The following CTNNA2 variants were observed in gnomAD, a reference collection of about 807,000 sequenced individuals.
CTNNA2 encodes catenin alpha-2.
In CTNNA2, 42 loss-of-function variants were observed where a neutral mutation model predicts 101.0. That is an observed-to-expected ratio of 0.42 (90% CI 0.32 to 0.54). The LOEUF (loss-of-function observed/expected upper bound fraction) is 0.54. Among genes scored for constraint, CTNNA2 ranks in the 20% least tolerant of loss-of-function variants. The pLI is 0.14. For synonymous variants in CTNNA2, 450 were observed against 456.4 expected, an observed-to-expected ratio of 0.99 and a Z score of 0.18; for missense variants, 871 against 1,223.1, an observed-to-expected ratio of 0.71 and a Z score of 4.29.
chr2:79,606,461 G>C (rs537551640), intron 1 of CTNNA2, among the ~76,000 whole-genome samples: 3 of 151,934 alleles, frequency 2.0e-5, no homozygotes, highest in African/African-American at 7.3e-5. Flanking sequence ...GTAGAGACAG[G>C]GTTTCAGCTT....
At chr2:79,779,677 C>A (rs1379956599) in intron 3 of CTNNA2, among the ~76,000 whole-genome samples, 1 of 152,000 alleles carries the variant, frequency 6.6e-6, no homozygotes, top group African/African-American at 2.4e-5. Flanking sequence ...TTTATACTAC[C>A]CATGATGACC....
At chr2:79,338,639 T>TCTC (rs1677061128) in intron 3 of CTNNA2, among the ~76,000 whole-genome samples, 1 of 149,188 alleles carries the variant, frequency 6.7e-6, no homozygotes, top group African/African-American at 2.5e-5. Flanking sequence ...TTCTTCTTCT[T>TCTC]CTTCAAAGAT....
chr2:80,314,623 A>G (rs1312514893), intron 7 of CTNNA2, among the ~76,000 whole-genome samples: 1 of 152,152 alleles, frequency 6.6e-6, no homozygotes, highest in East Asian at 1.9e-4. Context: ...ATCACCAACA[A>G]TGGGGGAGGA....
chr2:79,627,481 G>T (rs921051439), intron 1 of CTNNA2, among the ~76,000 whole-genome samples: 12 of 152,168 alleles, frequency 7.9e-5, no homozygotes, highest in Admixed American at 2.0e-4. Flanking sequence ...CCTGTCCTGC[G>T]TGACAGATCC....
In CTNNA2 at chr2:80,445,196, T is replaced by A. The variant is rs148556324; in HGVS notation, c.1290+25595T>A. 2.6e-4 allele frequency among the ~76,000 whole-genome samples: 40 copies of A among 152,244 alleles called. No homozygotes were observed. In the East Asian group the frequency reaches 5.4e-3, roughly 21 times the overall value. The stretch of plus-strand genomic sequence containing the variant: ...TTAATTTTTATTTATTTATTTATTT[T>A]TTTGAGACAGAGTGCTGTCCTGTCA... On this transcript the variant is annotated intron_variant, in intron 9 of 18. Transcript: ENST00000402739.
At chr2:80,290,691 C>T (rs1475392858) in intron 7 of CTNNA2, among the ~76,000 whole-genome samples, 1 of 151,998 alleles carries the variant, frequency 6.6e-6, no homozygotes, top group Non-Finnish European at 1.5e-5. Context: ...CTGTGGTTTA[C>T]CCCAAAAATT....
At chr2:79,892,368 T>G (rs13034462) in intron 6 of CTNNA2, among the ~76,000 whole-genome samples, 7,845 of 152,040 alleles carry the variant, frequency 0.052, 263 homozygotes, top group African/African-American at 0.08. Context: ...AAATAATCAC[T>G]AACCAAAGTT....
At chr2:80,104,961 A>G (rs1301839799) in intron 7 of CTNNA2, among the ~76,000 whole-genome samples, 1 of 152,186 alleles carries the variant, frequency 6.6e-6, no homozygotes, top group Non-Finnish European at 1.5e-5. Context: ...CAATGATTGT[A>G]ATGAATCAGA....
At chr2:80,569,482 T>C (rs928124255) in intron 12 of CTNNA2, among the ~76,000 whole-genome samples, 2 of 152,072 alleles carry the variant, frequency 1.3e-5, no homozygotes, top group African/African-American at 2.4e-5. Flanking sequence ...CTTCTATTTA[T>C]ATTCCTATAT....
chr2:79,922,372 C>G (rs900739717), intron 7 of CTNNA2, among the ~76,000 whole-genome samples: 4 of 152,078 alleles, frequency 2.6e-5, no homozygotes, highest in African/African-American at 9.7e-5. Context: ...GGGATCAGTC[C>G]TGTGATCTGG....
intron 3 of CTNNA2, among the ~76,000 whole-genome samples, chr2:79,830,704 G>A (rs189915942): frequency 2.7e-3 from 405 of 152,226 alleles, no homozygotes; most frequent in Non-Finnish European, 3.7e-3. Context: ...TGGAGCTCCC[G>A]GCATCCGTTC....
chr2:80,387,298 A>G (rs1573916625), intron 7 of CTNNA2, among the ~76,000 whole-genome samples: 1 of 152,116 alleles, frequency 6.6e-6, no homozygotes, highest in African/African-American at 2.4e-5. Context: ...CAAAAAAAAA[A>G]GAAATACTCA....
intron 7 of CTNNA2, among the ~76,000 whole-genome samples, chr2:80,166,628 A>G (rs1158411008): frequency 6.6e-6 from 1 of 152,148 alleles, no homozygotes; most frequent in Non-Finnish European, 1.5e-5. Context: ...GCAAATTGTC[A>G]AACCTGAGGA....
intron 2 of CTNNA2, among the ~76,000 whole-genome samples, chr2:79,678,546 A>C (rs1342540953): frequency 7.3e-5 from 11 of 150,700 alleles, no homozygotes; most frequent in South Asian, 2.1e-4. Context: ...AACAAACAAA[A>C]AAAAAAAAAA....
intron 9 of CTNNA2, among the ~76,000 whole-genome samples, chr2:80,421,762 T>C (rs1680542835): frequency 6.8e-6 from 1 of 146,042 alleles, no homozygotes; most frequent in Admixed American, 7.1e-5. Context: ...GGCCTCTGTG[T>C]GACTAGGGAG....
At chr2:79,346,482 T>C (rs1677267523) in intron 3 of CTNNA2, among the ~76,000 whole-genome samples, 1 of 152,136 alleles carries the variant, frequency 6.6e-6, no homozygotes, top group Non-Finnish European at 1.5e-5. Context: ...AAAGACCCAG[T>C]CAACCCTGTA....
rs559755522 is a variant in CTNNA2, at chr2:80,252,317, ATACT to A, written c.1057-140890_1057-140887del. On this transcript the variant is annotated intron_variant, in intron 7 of 18. Coordinates refer to ENST00000402739, the MANE Select transcript of CTNNA2 (RefSeq NM_001282597.3). ...GCTTAGAATTAAGAAGATAATTTAA[ATACT>A]TACCCGTTTGGTTATATGCCTAATT... Among the ~76,000 whole-genome samples the A allele has an allele frequency of 3.7e-3, 562 of 152,342 alleles. 4 individuals are homozygous for A. The highest frequency in any genetic ancestry group is 0.013 in the African/African-American group (545 of 41,576).
rs1208771310 is a variant in CTNNA2 at position 80,098,409 on chromosome 2, C to T, written c.1056+188612C>T. Reference sequence around the variant, plus strand: ...TACCCGGCCATGTGAGGTGTCAGTCCGCCCCCACGGGGGGGTTGCCTCCCA... The same window carrying T: ...TACCCGGCCATGTGAGGTGTCAGTCTGCCCCCACGGGGGGGTTGCCTCCCA... On this transcript the variant is annotated intron_variant, in intron 7 of 18. Coordinates refer to ENST00000402739, the MANE Select transcript of CTNNA2 (RefSeq NM_001282597.3). 1.4e-4 allele frequency among the ~76,000 whole-genome samples: 22 copies of T among 152,268 alleles called. 1 individual carries two copies. In the East Asian group the frequency reaches 2.1e-3, roughly 15 times the overall value.
chr2:80,542,029 A>G (rs1691607727), intron 9 of CTNNA2, among the ~76,000 whole-genome samples: 1 of 151,422 alleles, frequency 6.6e-6, no homozygotes, highest in Non-Finnish European at 1.5e-5. Context: ...CCATTTCCCC[A>G]ACCCCAGATA....
Sources: allele counts gnomAD v4.1 joint callset (sites outside exome capture counted in the v4.1 genomes callset), GRCh38; gene constraint gnomAD v4.1.1; transcripts MANE v1.5; gene names NCBI Gene and HGNC (gene_info 2026-07-23, HGNC 2026-07-21).